Variants in ADGRB3 observed in about 807,000 individuals in gnomAD.
The protein encoded by ADGRB3 is brain-specific angiogenesis inhibitor 3.
A neutral mutation model predicts 193.4 loss-of-function variants in ADGRB3; 37 were observed. The ratio of observed to expected loss-of-function variants is 0.19; its 90% CI spans 0.15 to 0.25. ADGRB3 has a LOEUF of 0.25. Among genes scored for constraint, ADGRB3 ranks in the 10% least tolerant of loss-of-function variants. The pLI, the probability that ADGRB3 is intolerant of heterozygous loss-of-function variation, is 1.00. For missense variants in ADGRB3, 1,637 were observed against 1,852.9 expected, an observed-to-expected ratio of 0.88 and a Z score of 2.14; for synonymous variants, 690 against 644.2, an observed-to-expected ratio of 1.07 and a Z score of -1.08.
intron 13 of ADGRB3, among the ~76,000 whole-genome samples, chr6:69,034,989 T>C (rs909788764): frequency 6.6e-5 from 10 of 152,074 alleles, no homozygotes; most frequent in Non-Finnish European, 1.3e-4. Flanking sequence ...CTTAATAGTC[T>C]ATTGCTTCAT....
chr6:69,191,780 A>G (rs1420246980), intron 17 of ADGRB3, among the ~76,000 whole-genome samples: 2 of 152,130 alleles, frequency 1.3e-5, no homozygotes, highest in Non-Finnish European at 2.9e-5. Flanking sequence ...AGAAATTTAG[A>G]TTAAGTAGAG....
chr6:68,655,892 G>A (rs1171738558), intron 3 of ADGRB3, among the ~76,000 whole-genome samples: 1 of 151,594 alleles, frequency 6.6e-6, no homozygotes, highest in Non-Finnish European at 1.5e-5. Flanking sequence ...AAATATGGAT[G>A]TTCCTTTGGA....
intron 13 of ADGRB3, among the ~76,000 whole-genome samples, chr6:69,019,265 C>T (rs1770189773): frequency 1.3e-5 from 2 of 151,858 alleles, no homozygotes; most frequent in African/African-American, 4.8e-5. Flanking sequence ...TTTCATTTGT[C>T]ATACTTTAAT....
At chr6:69,325,814 C>T (rs1053185962) in intron 21 of ADGRB3, among the ~76,000 whole-genome samples, 2 of 152,052 alleles carry the variant, frequency 1.3e-5, no homozygotes, top group Non-Finnish European at 2.9e-5. Flanking sequence ...ATCAAGAACA[C>T]GTAAATATTA....
At chr6:68,673,304 C>A (rs1175981675) in intron 3 of ADGRB3, among the ~76,000 whole-genome samples, 1 of 152,022 alleles carries the variant, frequency 6.6e-6, no homozygotes, top group East Asian at 1.9e-4. Flanking sequence ...TTATTTACTA[C>A]TAGTTATTTA....
chr6:69,381,584 T>C (rs1395561734), intron 30 of ADGRB3, among the ~76,000 whole-genome samples: 5 of 151,990 alleles, frequency 3.3e-5, no homozygotes, highest in Non-Finnish European at 7.4e-5. Flanking sequence ...TTTTTTAATG[T>C]GTTAAAGATT....
intron 3 of ADGRB3, among the ~76,000 whole-genome samples, chr6:68,896,361 C>T (rs954473531): frequency 1.3e-5 from 2 of 151,980 alleles, no homozygotes; most frequent in Non-Finnish European, 2.9e-5. Flanking sequence ...GGAAGGGATG[C>T]AAAAGTTTCT....
chr6:68,803,218 T>C (rs941602080), intron 3 of ADGRB3, among the ~76,000 whole-genome samples: 2 of 152,180 alleles, frequency 1.3e-5, no homozygotes, highest in Non-Finnish European at 2.9e-5. Context: ...TCAACTAATG[T>C]AACAATCCAA....
At chr6:68,999,043 G>A (rs1431746171) in intron 11 of ADGRB3, among the ~76,000 whole-genome samples, 1 of 152,256 alleles carries the variant, frequency 6.6e-6, no homozygotes, top group African/African-American at 2.4e-5. Flanking sequence ...TTCATTTTAA[G>A]TCCCAACCTT....
At chr6:68,815,407 G>T (rs1034557676) in intron 3 of ADGRB3, among the ~76,000 whole-genome samples, 1 of 152,042 alleles carries the variant, frequency 6.6e-6, no homozygotes, top group Non-Finnish European at 1.5e-5. Flanking sequence ...AACCAAAATT[G>T]TCTAACATTT....
At chr6:69,134,717 G>A (rs1196937722) in intron 17 of ADGRB3, among the ~76,000 whole-genome samples, 1 of 151,754 alleles carries the variant, frequency 6.6e-6, no homozygotes, top group African/African-American at 2.4e-5. Context: ...AGAACCTTAG[G>A]TGTGTGTATG....
At chr6:69,384,776 TGA>T (rs1770026958) in intron 31 of ADGRB3, among the ~76,000 whole-genome samples, 1 of 151,924 alleles carries the variant, frequency 6.6e-6, no homozygotes, top group Non-Finnish European at 1.5e-5. Flanking sequence ...CCTAAATATC[TGA>T]GAAGAGAGAG....
At chr6:68,828,977 C>A (rs2127383155) in intron 3 of ADGRB3, among the ~76,000 whole-genome samples, 1 of 151,254 alleles carries the variant, frequency 6.6e-6, no homozygotes, top group East Asian at 1.9e-4. Context: ...AATTTTCCAT[C>A]AGTTAAATAT....
chr6:69,126,228 TACACA>T (rs1176563439), intron 17 of ADGRB3, among the ~76,000 whole-genome samples: 3,010 of 137,252 alleles, frequency 0.022, 41 homozygotes, highest in Non-Finnish European at 0.03. Flanking sequence ...GATAAATAGA[TACACA>T]CATACATACA....
chr6:69,071,532 G>A (rs952971151), intron 16 of ADGRB3, among the ~76,000 whole-genome samples: 2 of 152,118 alleles, frequency 1.3e-5, no homozygotes, highest in African/African-American at 4.8e-5. Context: ...TTGAGCAGTG[G>A]TGCATTTTTT....
intron 13 of ADGRB3, among the ~76,000 whole-genome samples, chr6:69,028,944 C>T (rs1331971893): frequency 6.6e-6 from 1 of 152,116 alleles, no homozygotes; most frequent in Non-Finnish European, 1.5e-5. Flanking sequence ...CACAAATATT[C>T]ATGATACTAT....
chr6:69,255,740 C>T lies in ADGRB3; in HGVS notation c.2814+16514C>T, dbSNP rs1766751498. On this transcript the variant is annotated intron_variant, in intron 20 of 31. Coordinates refer to ENST00000370598, the MANE Select transcript of ADGRB3 (RefSeq NM_001704.3). ...CATTTGTCAATTTTGGCTTTTGTTG[C>T]CATTGCTTTTGGTGTTTTAGACATG... 2.0e-5 allele frequency among the ~76,000 whole-genome samples: 3 copies of T among 152,254 alleles called. No individual in the cohort carries two copies. In the South Asian group the frequency reaches 6.2e-4, roughly 32 times the overall value.
chr6:69,289,255 T>C (rs1458462452), intron 20 of ADGRB3, among the ~76,000 whole-genome samples: 1 of 152,164 alleles, frequency 6.6e-6, no homozygotes, highest in African/African-American at 2.4e-5. Context: ...ATCACATCTC[T>C]AAGACAGTCA....
chr6:68,882,895 GTTTT>G (rs1253273360), intron 3 of ADGRB3, among the ~76,000 whole-genome samples: 1 of 149,932 alleles, frequency 6.7e-6, no homozygotes. Flanking sequence ...TTTTTTTTTT[GTTTT>G]GTTTTGTTTT....
Sources: allele counts gnomAD v4.1 joint callset (sites outside exome capture counted in the v4.1 genomes callset), GRCh38; gene constraint gnomAD v4.1.1; transcripts MANE v1.5; gene names NCBI Gene and HGNC (gene_info 2026-07-23, HGNC 2026-07-21).